Variants in TMEM150C observed in about 807,000 individuals in gnomAD.
The protein encoded by TMEM150C is tentonin 3.
Under a neutral mutation model 29.9 loss-of-function variants are expected in TMEM150C, and 10 were observed. The observed-to-expected ratio is 0.33, with a 90% CI of 0.21 to 0.57. The LOEUF is 0.57. Ranked by LOEUF, TMEM150C falls within the 20% of genes least tolerant of loss-of-function variation. The probability of loss-of-function intolerance (pLI) is 0.88; values close to 1 mark genes in which losing one functional copy is unlikely to be tolerated. For missense variants in TMEM150C, 251 were observed against 303.6 expected, an observed-to-expected ratio of 0.83 and a Z score of 1.29; for synonymous variants, 101 against 112.5, an observed-to-expected ratio of 0.90 and a Z score of 0.64.
At chr4:82,531,989 G>A (rs1724862137) in intron 1 of TMEM150C, among the ~76,000 whole-genome samples, 1 of 152,118 alleles carries the variant, frequency 6.6e-6, no homozygotes, top group Non-Finnish European at 1.5e-5. Flanking sequence ...CAGAAACCAG[G>A]TTATAATTAA....
chr4:82,518,404 A>G (rs1276504875), intron 1 of TMEM150C, among the ~76,000 whole-genome samples: 1 of 151,984 alleles, frequency 6.6e-6, no homozygotes, highest in East Asian at 1.9e-4. Flanking sequence ...GGCTCTCCAA[A>G]GGCTCCAGTG....
intron 1 of TMEM150C, among the ~76,000 whole-genome samples, chr4:82,533,125 A>G (rs1385940423): frequency 2.0e-5 from 3 of 152,248 alleles, no homozygotes; most frequent in African/African-American, 2.4e-5. Context: ...TTATGAATCA[A>G]TGTTGTTGGT....
chr4:82,500,418 A>G (rs1230832655), intron 5 of TMEM150C, among the ~76,000 whole-genome samples: 1 of 152,208 alleles, frequency 6.6e-6, no homozygotes, highest in East Asian at 1.9e-4. Context: ...TCACTCTCAG[A>G]GTTGATAAAT....
chr4:82,528,542 GC>G (rs1724730042), intron 1 of TMEM150C, among the ~76,000 whole-genome samples: 1 of 151,468 alleles, frequency 6.6e-6, no homozygotes, highest in African/African-American at 2.4e-5. Context: ...AATTTCCCCT[GC>G]CCACAGCCCC....
chr4:82,495,905 TG>T, intron 6 of TMEM150C, 162 bp downstream of exon 6: 1 of 845,848 alleles, frequency 1.2e-6, no homozygotes, highest in Non-Finnish European at 1.8e-6. Context: ...TTGAAGCAGC[TG>T]AACAGCTCCG....
chr4:82,488,130 T>C (rs1723220851), intron 7 of TMEM150C, among the ~76,000 whole-genome samples: 2 of 152,206 alleles, frequency 1.3e-5, no homozygotes, highest in Non-Finnish European at 2.9e-5. Context: ...CACTGTGTCA[T>C]TCTTATGCCT....
At chr4:82,504,527 G>C (rs895081949) in intron 2 of TMEM150C, 51 bp downstream of exon 2, 10 of 1,483,010 alleles carry the variant, frequency 6.7e-6, no homozygotes, top group Admixed American at 1.8e-5. Context: ...GTTTACATTT[G>C]TATCTACATT....
chr4:82,489,540 A>G (rs1723265505), intron 7 of TMEM150C, among the ~76,000 whole-genome samples: 1 of 152,104 alleles, frequency 6.6e-6, no homozygotes, highest in Non-Finnish European at 1.5e-5. Flanking sequence ...AGCACCCCAA[A>G]ACCTCAAATA....
intron 7 of TMEM150C, 132 bp from the exon 8 acceptor site, chr4:82,485,851 T>C (rs1723143183): frequency 1.4e-6 from 1 of 737,768 alleles, no homozygotes; most frequent in Non-Finnish European, 2.2e-6. Context: ...TGCTAGAGCT[T>C]GTTGAACACG....
At chr4:82,486,671 G>T (rs1723171578) in intron 7 of TMEM150C, among the ~76,000 whole-genome samples, 1 of 151,960 alleles carries the variant, frequency 6.6e-6, no homozygotes, top group African/African-American at 2.4e-5. Flanking sequence ...GATCACTTGA[G>T]CCCAGGAGTT....
At chr4:82,503,038 T>C (rs1723787492) in intron 3 of TMEM150C, 21 bp downstream of exon 3, 1 of 1,611,800 alleles carries the variant, frequency 6.2e-7, no homozygotes, top group Non-Finnish European at 8.5e-7. Context: ...GAACAACGAA[T>C]TACCCACAGA....
chr4:82,513,999 C>G (rs1724213298), intron 1 of TMEM150C, among the ~76,000 whole-genome samples: 1 of 152,230 alleles, frequency 6.6e-6, no homozygotes, highest in Admixed American at 6.5e-5. Context: ...TCTCAAACTT[C>G]CAAATTTGCA....
At chr4:82,500,303 A>G (rs1366413229) in intron 5 of TMEM150C, among the ~76,000 whole-genome samples, 1 of 152,260 alleles carries the variant, frequency 6.6e-6, no homozygotes, top group African/African-American at 2.4e-5. Flanking sequence ...TCTTAAAGTC[A>G]GTTATGTAGA....
chr4:82,558,945 AC>A (rs1386552670), intron 1 of TMEM150C, among the ~76,000 whole-genome samples: 1 of 151,976 alleles, frequency 6.6e-6, no homozygotes, highest in Non-Finnish European at 1.5e-5. Flanking sequence ...TTTCTTCCCC[AC>A]CCTAACTGAT....
At chr4:82,494,148 G>A (rs1723461624) in intron 6 of TMEM150C, among the ~76,000 whole-genome samples, 1 of 152,202 alleles carries the variant, frequency 6.6e-6, no homozygotes, top group Non-Finnish European at 1.5e-5. Context: ...ACAGACAGGG[G>A]GAAGAGTGTC....
rs1321022442 is a variant in TMEM150C at position 82,485,433 on chromosome 4, G to C, written c.*78C>G. On this transcript the variant is annotated 3_prime_UTR_variant, in exon 8 of 8. Transcript: ENST00000449862. Reference sequence around the variant, plus strand: ...GTGTGTGTGTGAAATGAGGTTCTATGTCAAGTCCTGTGAGTGTGTCCTACT... The same window carrying C: ...GTGTGTGTGTGAAATGAGGTTCTATCTCAAGTCCTGTGAGTGTGTCCTACT... 5 of 1,095,982 alleles carry C rather than the reference G, an allele frequency of 4.6e-6. No homozygotes were observed. In the African/African-American group the frequency reaches 6.3e-5, roughly 14 times the overall value. 67.9% of individuals were successfully genotyped at this position (1,095,982 alleles called of 1,614,324 possible).
chr4:82,495,566 A>G, intron 6 of TMEM150C: 1 of 353,128 alleles, frequency 2.8e-6, no homozygotes, highest in Non-Finnish European at 5.5e-6. Context: ...GAGAATGCTC[A>G]GATTGGCATC....
chr4:82,544,505 A>C (rs1725292335), intron 1 of TMEM150C, among the ~76,000 whole-genome samples: 1 of 152,222 alleles, frequency 6.6e-6, no homozygotes, highest in Non-Finnish European at 1.5e-5. Context: ...ATGGCCGAGC[A>C]CAGTGGCTCA....
chr4:82,510,088 G>A (rs1394310660), intron 1 of TMEM150C, among the ~76,000 whole-genome samples: 4 of 151,932 alleles, frequency 2.6e-5, no homozygotes, highest in African/African-American at 9.7e-5. Flanking sequence ...GACCATCCTG[G>A]CTAACACGGT....
Sources: allele counts gnomAD v4.1 joint callset (sites outside exome capture counted in the v4.1 genomes callset), GRCh38; gene constraint gnomAD v4.1.1; transcripts MANE v1.5; gene names NCBI Gene and HGNC (gene_info 2026-07-23, HGNC 2026-07-21).